NFIA: variants seen among roughly 807,000 people sequenced by gnomAD.
NFIA encodes the protein nuclear factor 1 A-type.
Under a neutral mutation model 62.8 loss-of-function variants are expected in NFIA, and 8 were observed. The observed-to-expected ratio is 0.13, with a 90% CI of 0.07 to 0.23. The LOEUF (loss-of-function observed/expected upper bound fraction) is 0.23, where lower values mean the gene tolerates loss of function less well. Among genes scored for constraint, NFIA ranks in the 10% least tolerant of loss-of-function variants. The pLI, the probability that NFIA is intolerant of heterozygous loss-of-function variation, is 1.00. For synonymous variants in NFIA, 235 were observed against 238.1 expected (o/e 0.99, Z 0.12); for missense variants, 410 against 642.1 (o/e 0.64, Z 3.91).
intron 7 of NFIA, among the ~76,000 whole-genome samples, chr1:61,395,288 GTTT>G (rs1303184667): frequency 7.4e-6 from 1 of 135,646 alleles, no homozygotes. Flanking sequence ...GTGTGTGTGT[GTTT>G]TTTTTTTTTT....
intron 2 of NFIA, among the ~76,000 whole-genome samples, chr1:61,101,288 G>A (rs529564263): frequency 2.0e-5 from 3 of 151,922 alleles, no homozygotes; most frequent in African/African-American, 7.2e-5. Flanking sequence ...CCAGCTACTC[G>A]GGAGGCCGAG....
chr1:61,104,422 T>C (rs901686990), intron 2 of NFIA, among the ~76,000 whole-genome samples: 1 of 152,096 alleles, frequency 6.6e-6, no homozygotes, highest in Non-Finnish European at 1.5e-5. Flanking sequence ...CAGTTAGATA[T>C]AGTGAAGTCA....
intron 7 of NFIA, among the ~76,000 whole-genome samples, chr1:61,394,485 TATTTAAAGATAAGAA>T (rs577989584): frequency 1.2e-3 from 177 of 152,314 alleles, no homozygotes; most frequent in African/African-American, 3.9e-3. Flanking sequence ...TTGCTGCTAC[TATTTAAAGATAAGAA>T]ATTTAAAGAT....
intron 10 of NFIA, among the ~76,000 whole-genome samples, chr1:61,427,529 A>G (rs769575104): frequency 6.6e-6 from 1 of 152,134 alleles, no homozygotes; most frequent in African/African-American, 2.4e-5. Flanking sequence ...ATTTATAACT[A>G]TTTGCCTCTG....
intron 2 of NFIA, among the ~76,000 whole-genome samples, chr1:61,222,984 CT>C (rs1267293827): frequency 6.6e-6 from 1 of 151,800 alleles, no homozygotes; most frequent in African/African-American, 2.4e-5. Context: ...ACCAAAATAA[CT>C]TTTTTTTGTT....
intron 2 of NFIA, among the ~76,000 whole-genome samples, chr1:61,109,641 A>T (rs1646662552): frequency 6.6e-6 from 1 of 151,986 alleles, no homozygotes; most frequent in Non-Finnish European, 1.5e-5. Flanking sequence ...ATAGTGCTAG[A>T]ATACATAATT....
chr1:61,416,812 G>C (rs1484134448), intron 9 of NFIA, among the ~76,000 whole-genome samples: 1 of 152,138 alleles, frequency 6.6e-6, no homozygotes, highest in Non-Finnish European at 1.5e-5. Flanking sequence ...ATCCCAGTCT[G>C]CTGGACTCCA....
intron 2 of NFIA, among the ~76,000 whole-genome samples, chr1:61,233,809 C>T (rs1654819457): frequency 1.3e-5 from 2 of 152,202 alleles, no homozygotes; most frequent in Admixed American, 6.5e-5. Flanking sequence ...GTGCCAGCAG[C>T]CTCCTGGAGA....
chr1:61,240,423 T>G (rs1655275316), intron 2 of NFIA, among the ~76,000 whole-genome samples: 1 of 152,082 alleles, frequency 6.6e-6, no homozygotes, highest in South Asian at 2.1e-4. Flanking sequence ...GATTCAAAAT[T>G]CTTTAGGCTT....
intron 2 of NFIA, among the ~76,000 whole-genome samples, chr1:61,225,233 A>G (rs572028551): frequency 6.6e-6 from 1 of 151,624 alleles, no homozygotes; most frequent in East Asian, 1.9e-4. Flanking sequence ...TAAAGCCATT[A>G]CATGAGTTTT....
chr1:61,367,289 A>G (rs1353565564), intron 6 of NFIA, among the ~76,000 whole-genome samples: 2 of 152,260 alleles, frequency 1.3e-5, no homozygotes, highest in Non-Finnish European at 2.9e-5. Context: ...TATCAGTGCC[A>G]GTAAAAAGGC....
intron 10 of NFIA, among the ~76,000 whole-genome samples, chr1:61,426,983 T>C (rs1451043897): frequency 6.6e-6 from 1 of 152,162 alleles, no homozygotes; most frequent in Non-Finnish European, 1.5e-5. Context: ...CCCAGGCACC[T>C]GGCAAGCTTT....
At chr1:61,316,205 A>G (rs1215673853) in intron 3 of NFIA, among the ~76,000 whole-genome samples, 1 of 152,208 alleles carries the variant, frequency 6.6e-6, no homozygotes, top group Non-Finnish European at 1.5e-5. Context: ...TTCTCACTAT[A>G]AAATCTGAGT....
At chr1:61,127,234 G>T (rs905378510) in intron 2 of NFIA, among the ~76,000 whole-genome samples, 2 of 151,426 alleles carry the variant, frequency 1.3e-5, no homozygotes, top group Non-Finnish European at 2.9e-5. Context: ...AAGGTGGATG[G>T]ATCGCGAGGT....
intron 2 of NFIA, among the ~76,000 whole-genome samples, chr1:61,185,887 A>G (rs1651142081): frequency 6.6e-6 from 1 of 152,088 alleles, no homozygotes; most frequent in South Asian, 2.1e-4. Context: ...ACAGTCTGAA[A>G]TGCTCTTGTT....
At chr1:61,416,852 A>G (rs781745149) in intron 9 of NFIA, among the ~76,000 whole-genome samples, 2 of 152,172 alleles carry the variant, frequency 1.3e-5, no homozygotes, top group Non-Finnish European at 2.9e-5. Context: ...CTACCAGGAC[A>G]CATACTATGT....
At chr1:61,090,399 A>T (rs565681730) in intron 2 of NFIA, among the ~76,000 whole-genome samples, 1 of 152,354 alleles carries the variant, frequency 6.6e-6, no homozygotes, top group East Asian at 1.9e-4. Flanking sequence ...ATATAAGATA[A>T]CATCAAAATG....
intron 9 of NFIA, among the ~76,000 whole-genome samples, chr1:61,408,853 T>C (rs750725406): frequency 5.3e-5 from 8 of 152,242 alleles, no homozygotes; most frequent in Non-Finnish European, 7.3e-5. Flanking sequence ...GTTCTGATCA[T>C]TGGAGTATTT....
intron 2 of NFIA, among the ~76,000 whole-genome samples, chr1:61,261,472 T>C (rs1019512786): frequency 3.9e-5 from 6 of 152,240 alleles, no homozygotes; most frequent in African/African-American, 1.4e-4. Flanking sequence ...TTAAGTGTTC[T>C]GAGCACATTT....
Sources: allele counts gnomAD v4.1 joint callset (sites outside exome capture counted in the v4.1 genomes callset), GRCh38; gene constraint gnomAD v4.1.1; transcripts MANE v1.5; gene names NCBI Gene and HGNC (gene_info 2026-07-23, HGNC 2026-07-21).